TENM3: variants seen among roughly 807,000 people sequenced by gnomAD.
The protein encoded by TENM3 is teneurin transmembrane protein 3.
Under a neutral mutation model 255.1 loss-of-function variants are expected in TENM3, and 63 were observed. The ratio of observed to expected loss-of-function variants is 0.25; its 90% CI spans 0.20 to 0.30. The LOEUF (loss-of-function observed/expected upper bound fraction) is 0.30, where lower values mean the gene tolerates loss of function less well. Ranked by LOEUF, TENM3 falls within the 10% of genes least tolerant of loss-of-function variation. The pLI, the probability that TENM3 is intolerant of heterozygous loss-of-function variation, is 1.00. For synonymous variants in TENM3, 1,306 were observed against 1,322.3 expected (o/e 0.99, Z 0.27); for missense variants, 2,929 against 3,461.1 (o/e 0.85, Z 3.86).
At chr4:182,674,723 G>A (rs550802507) in intron 7 of TENM3, among the ~76,000 whole-genome samples, 109 of 152,054 alleles carry the variant, frequency 7.2e-4, no homozygotes, top group African/African-American at 2.4e-3. Flanking sequence ...CTACAGATGC[G>A]TGTCACCGCC....
At chr4:181,603,808 T>A in the TENM3 span, among the ~76,000 whole-genome samples, 7 of 151,646 alleles carry the variant, frequency 4.6e-5, no homozygotes, top group African/African-American at 1.7e-4. Flanking sequence ...CAGAAGAGAA[T>A]CTGCCATCAC....
the TENM3 span, among the ~76,000 whole-genome samples, chr4:181,712,898 C>T: frequency 6.6e-6 from 1 of 152,144 alleles, no homozygotes; most frequent in African/African-American, 2.4e-5. Flanking sequence ...TCTAATGTCA[C>T]AAGATGTTGG....
At chr4:181,808,143 A>G in the TENM3 span, among the ~76,000 whole-genome samples, 2 of 152,224 alleles carry the variant, frequency 1.3e-5, no homozygotes, top group Non-Finnish European at 2.9e-5. Flanking sequence ...AGAGGTTTCC[A>G]GATAACCATT....
At chr4:182,393,079 C>A (rs1768549178) in intron 3 of TENM3, among the ~76,000 whole-genome samples, 1 of 152,158 alleles carries the variant, frequency 6.6e-6, no homozygotes, top group African/African-American at 2.4e-5. Flanking sequence ...TAATGAGATC[C>A]ATTTCCATCA....
the TENM3 span, among the ~76,000 whole-genome samples, chr4:181,837,195 C>A: frequency 6.6e-6 from 1 of 151,916 alleles, no homozygotes; most frequent in East Asian, 1.9e-4. Context: ...TTTTCCTCCC[C>A]AATTTTTAAA....
chr4:182,608,075 A>G (rs931991620), intron 4 of TENM3, among the ~76,000 whole-genome samples: 1 of 152,190 alleles, frequency 6.6e-6, no homozygotes, highest in Non-Finnish European at 1.5e-5. Context: ...TTTTAAAAAT[A>G]CCATTCACTA....
At position 182,789,057 on chromosome 4, in the gene TENM3, A is replaced by C; in HGVS notation, c.5305-36A>C. 6.4e-7 allele frequency: 1 copy of C among 1,554,280 alleles called. No individual in the cohort carries two copies. On this transcript the variant is annotated intron_variant, in intron 24 of 27. Transcript: ENST00000511685. This position sits in a 1 kb window ranked among gnomAD's most constrained non-coding sequence, Gnocchi z 4.4. ...CTGGGGACTCCGGTGTTGGAATAAC[A>C]TGATTTATTTTATCATCTTGTTGGT... is the stretch of plus-strand genomic sequence containing the variant.
the TENM3 span, among the ~76,000 whole-genome samples, chr4:181,988,771 C>T: frequency 6.6e-5 from 10 of 151,516 alleles, no homozygotes; most frequent in Admixed American, 2.6e-4. Context: ...TTAGTAGATA[C>T]CCAAAAAGGG....
chr4:182,651,833 C>T (rs942688580), intron 5 of TENM3, among the ~76,000 whole-genome samples: 2 of 151,302 alleles, frequency 1.3e-5, no homozygotes, highest in Non-Finnish European at 1.5e-5. Context: ...ATCTTTCTTA[C>T]TATAGCATGC....
At chr4:182,124,723 C>T in the TENM3 span, among the ~76,000 whole-genome samples, 2 of 152,312 alleles carry the variant, frequency 1.3e-5, no homozygotes, top group Admixed American at 6.5e-5. Context: ...GGTTCAAGTA[C>T]GATAAGTCCC....
chr4:181,582,669 CAAA>C, the TENM3 span, among the ~76,000 whole-genome samples: 3,433 of 124,720 alleles, frequency 0.028, 71 homozygotes, highest in Non-Finnish European at 0.038. Flanking sequence ...CAAAACAAAT[CAAA>C]AAAAAAAAAA....
chr4:182,203,795 G>A (rs1213722418), intron 1 of TENM3, among the ~76,000 whole-genome samples: 1 of 152,192 alleles, frequency 6.6e-6, no homozygotes, highest in Non-Finnish European at 1.5e-5. Flanking sequence ...CCTTCTGGAA[G>A]GACATCTGCT....
chr4:181,527,450 C>A, the TENM3 span, among the ~76,000 whole-genome samples: 2 of 151,956 alleles, frequency 1.3e-5, no homozygotes, highest in African/African-American at 2.4e-5. Flanking sequence ...CTCTCTGCAA[C>A]CTCTGCCTGC....
the TENM3 span, among the ~76,000 whole-genome samples, chr4:181,542,977 G>T: frequency 6.6e-6 from 1 of 152,004 alleles, no homozygotes; most frequent in Non-Finnish European, 1.5e-5. Context: ...ATCTTGCTTG[G>T]TCCATCTCTT....
intron 3 of TENM3, among the ~76,000 whole-genome samples, chr4:182,396,295 T>C (rs1768805088): frequency 6.6e-6 from 1 of 152,210 alleles, no homozygotes; most frequent in African/African-American, 2.4e-5. Context: ...AAGCCTAGTA[T>C]TTCTAGAGAC....
the TENM3 span, among the ~76,000 whole-genome samples, chr4:181,939,585 A>T: frequency 6.6e-6 from 1 of 152,164 alleles, no homozygotes; most frequent in Non-Finnish European, 1.5e-5. Flanking sequence ...TGTTTTCTGG[A>T]CCTCTTCCGT....
chr4:181,677,008 C>A, the TENM3 span, among the ~76,000 whole-genome samples: 2 of 93,866 alleles, frequency 2.1e-5, no homozygotes, highest in Non-Finnish European at 4.4e-5. Flanking sequence ...TTTTTTTTCT[C>A]ATTGACTATT....
chr4:182,255,631 A>T (rs752797875), intron 1 of TENM3, among the ~76,000 whole-genome samples: 1 of 152,050 alleles, frequency 6.6e-6, no homozygotes, highest in Admixed American at 6.5e-5. Context: ...ACTCCTGGAG[A>T]TGGCAGTGTG....
chr4:182,190,401 A>C (rs575141762), intron 1 of TENM3: 10 of 152,310 alleles, frequency 6.6e-5, no homozygotes, highest in African/African-American at 1.9e-4. Flanking sequence ...CTCCCGTCTG[A>C]AACCTTGCGC....
Sources: gnomAD v4.1 joint callset for allele counts (sites outside exome capture counted in the v4.1 genomes callset) on GRCh38, gnomAD v4.1.1 for gene constraint, Gnocchi (gnomAD v3.1) non-coding constraint, MANE v1.5 for transcripts, NCBI Gene and HGNC (gene_info 2026-07-23, HGNC 2026-07-21) for gene names.